TDRP: variants seen among roughly 807,000 people sequenced by gnomAD.
The protein encoded by TDRP is testis development related protein, also known as testis development-related protein.
In TDRP, 12 loss-of-function variants were observed where a neutral mutation model predicts 10.5. The observed-to-expected ratio is 1.15, with a 90% confidence interval of 0.73 to 1.86. The LOEUF (loss-of-function observed/expected upper bound fraction) is 1.86. TDRP is among the 40% of genes most tolerant of loss of function. The probability of loss-of-function intolerance (pLI) is 0.00; values close to 1 mark genes in which losing one functional copy is unlikely to be tolerated. For synonymous variants in TDRP, 139 were observed against 95.4 expected, an observed-to-expected ratio of 1.46 and a Z score of -2.67; for missense variants, 353 against 229.2, an observed-to-expected ratio of 1.54 and a Z score of -3.49.
intron 1 of TDRP, among the ~76,000 whole-genome samples, chr8:515,380 G>A (rs1021656359): frequency 2.1e-4 from 32 of 152,188 alleles, no homozygotes; most frequent in African/African-American, 7.5e-4. Flanking sequence ...AGTACAGTTT[G>A]AGTGCCCCTT....
intron 1 of TDRP, among the ~76,000 whole-genome samples, chr8:541,404 T>C (rs1178475431): frequency 1.3e-5 from 2 of 152,200 alleles, no homozygotes; most frequent in African/African-American, 4.8e-5. Context: ...AAAGAAATAA[T>C]TCATAGTGAA....
At chr8:506,101 A>G (rs1350877220) in intron 1 of TDRP, among the ~76,000 whole-genome samples, 2 of 152,214 alleles carry the variant, frequency 1.3e-5, no homozygotes, top group African/African-American at 4.8e-5. Flanking sequence ...GCAGAGCCAC[A>G]TGAACACTAT....
chr8:502,574 C>T (rs1470036751), intron 1 of TDRP, among the ~76,000 whole-genome samples: 1 of 152,220 alleles, frequency 6.6e-6, no homozygotes, highest in Non-Finnish European at 1.5e-5. Context: ...GAACCCAGAG[C>T]CATGCAGTGG....
At chr8:538,116 G>T (rs984544619) in intron 1 of TDRP, among the ~76,000 whole-genome samples, 4 of 152,226 alleles carry the variant, frequency 2.6e-5, no homozygotes, top group African/African-American at 9.6e-5. Context: ...CTCAATAGAG[G>T]AGAGGTTTGG....
intron 1 of TDRP, among the ~76,000 whole-genome samples, chr8:540,806 TAAAAAAA>T (rs60390652): frequency 1.6e-5 from 2 of 125,012 alleles, no homozygotes; most frequent in African/African-American, 3.0e-5. Context: ...CTTTTTCACG[TAAAAAAA>T]AAAAAAAAAA....
Position 513,393 on chromosome 8 carries a change from TA to T in TDRP, c.109-18797del, listed in dbSNP as rs201462217. 8.6e-3 allele frequency among the ~76,000 whole-genome samples: 1,309 copies of T among 151,878 alleles called. 20 individuals carry two copies. The highest frequency in any genetic ancestry group is 0.03 in the African/African-American group (1,249 of 41,436). On this transcript the variant is annotated intron_variant, in intron 1 of 2. Transcript: ENST00000324079. ...AAAATCCATTAATATAGCAAATGAA[TA>T]AAAAAAATTATATAAGCATCTCAAT...
intron 1 of TDRP, among the ~76,000 whole-genome samples, chr8:511,243 T>C (rs931700978): frequency 3.3e-5 from 5 of 152,094 alleles, no homozygotes; most frequent in African/African-American, 1.2e-4. Context: ...GGAGACACAC[T>C]TTAGAATCAA....
chr8:514,528 G>T (rs978283392), intron 1 of TDRP, among the ~76,000 whole-genome samples: 58 of 152,210 alleles, frequency 3.8e-4, no homozygotes, highest in African/African-American at 1.3e-3. Flanking sequence ...CTCAATGCAG[G>T]GACCAGGACA....
chr8:502,003 G>A (rs530741759), intron 1 of TDRP, among the ~76,000 whole-genome samples: 1 of 152,348 alleles, frequency 6.6e-6, no homozygotes, highest in South Asian at 2.1e-4. Context: ...TGGTGACGTG[G>A]TGAGGGAGGA....
At chr8:496,683 A>C (rs1200993498) in intron 1 of TDRP, among the ~76,000 whole-genome samples, 1 of 152,094 alleles carries the variant, frequency 6.6e-6, no homozygotes, top group Non-Finnish European at 1.5e-5. Flanking sequence ...TTTGCTCCAC[A>C]CACCACCTGC....
In TDRP at chr8:492,597, C is replaced by T. The variant is rs765721731; in HGVS notation, c.360G>A (p.Ser120=). 5 of 1,613,758 alleles carry T rather than the reference C, an allele frequency of 3.1e-6. No individual in the cohort carries two copies. Among genetic ancestry groups the T allele is most frequent in the African/African-American group, 1.3e-5 (1 of 74,926 alleles). ...CACCCACGGTGTCCTCAGGGTCAGC[C>T]GATATGTCTTCAAGAGCAAGTTTTG... The part of the protein sequence containing the change: ...EPPKLALEDI[S]ADPEDTVGGH... Residue 120 remains serine, a synonymous_variant, in exon 3 of 3, where the codon TCG becomes TCA. Transcript: ENST00000324079.
At chr8:542,443 G>A (rs76512719) in intron 1 of TDRP, among the ~76,000 whole-genome samples, 72 of 152,112 alleles carry the variant, frequency 4.7e-4, no homozygotes, top group African/African-American at 1.6e-3. Flanking sequence ...TGATGATAGT[G>A]GGGGGCTGGG....
At chr8:544,964 C>T, upstream of TDRP, 1 of 344,398 alleles carries the variant, frequency 2.9e-6, no homozygotes, top group Non-Finnish European at 5.2e-6. Flanking sequence ...CCCGGCCCGC[C>T]CCCAAACCAT....
chr8:504,974 T>C (rs1801416079), intron 1 of TDRP, among the ~76,000 whole-genome samples: 1 of 152,244 alleles, frequency 6.6e-6, no homozygotes, highest in African/African-American at 2.4e-5. Flanking sequence ...GAACTTTTAC[T>C]TCCCACACCG....
chr8:533,761 G>A (rs750427857), intron 1 of TDRP, among the ~76,000 whole-genome samples: 3 of 151,840 alleles, frequency 2.0e-5, no homozygotes, highest in East Asian at 1.9e-4. Context: ...CCCCTCCCCC[G>A]ATCACGAAGA....
intron 2 of TDRP, among the ~76,000 whole-genome samples, chr8:493,453 G>C (rs1328693802): frequency 6.6e-6 from 1 of 152,238 alleles, no homozygotes; most frequent in African/African-American, 2.4e-5. Context: ...AGCACGAAGG[G>C]CCATGTGTCT....
chr8:508,016 C>A (rs1260089864), intron 1 of TDRP, among the ~76,000 whole-genome samples: 6 of 152,102 alleles, frequency 3.9e-5, no homozygotes, highest in African/African-American at 1.4e-4. Context: ...CAACAGCAGG[C>A]AACACAAACT....
chr8:514,494 C>T (rs1245364880), intron 1 of TDRP, among the ~76,000 whole-genome samples: 4 of 152,146 alleles, frequency 2.6e-5, no homozygotes, highest in Admixed American at 6.5e-5. Context: ...GGATGCTGAA[C>T]GCAGACTCTA....
At chr8:520,657 C>T (rs576300935) in intron 1 of TDRP, among the ~76,000 whole-genome samples, 1 of 152,314 alleles carries the variant, frequency 6.6e-6, no homozygotes, top group African/African-American at 2.4e-5. Context: ...GAGGTGACAT[C>T]TCATCATGGT....
Sources: gnomAD v4.1 joint callset for allele counts (sites outside exome capture counted in the v4.1 genomes callset) on GRCh38, gnomAD v4.1.1 for gene constraint, MANE v1.5 for transcripts, NCBI Gene and HGNC (gene_info 2026-07-23, HGNC 2026-07-21) for gene names.